The following PHKB variants were observed in gnomAD, a reference collection of about 807,000 sequenced individuals.
PHKB encodes phosphorylase b kinase regulatory subunit beta.
PHKB carries 122 observed loss-of-function variants against 152.1 expected under a neutral mutation model. That is an observed-to-expected ratio of 0.80 (90% CI 0.69 to 0.93). The LOEUF (loss-of-function observed/expected upper bound fraction) is 0.93, where lower values mean the gene tolerates loss of function less well. PHKB is among the 40% of genes least tolerant of loss of function. PHKB has a pLI of 0.00. For synonymous variants in PHKB, 436 were observed against 464.9 expected (o/e 0.94, Z 0.80); for missense variants, 1,304 against 1,328.4 (o/e 0.98, Z 0.29).
intron 4 of PHKB, among the ~76,000 whole-genome samples, chr16:47,510,892 AT>A (rs1261239164): frequency 6.6e-6 from 1 of 152,194 alleles, no homozygotes; most frequent in East Asian, 1.9e-4. Flanking sequence ...CTTTGAATTC[AT>A]TTTTTTGTTC....
chr16:47,680,318 T>C (rs2142091871), intron 26 of PHKB, among the ~76,000 whole-genome samples: 1 of 152,346 alleles, frequency 6.6e-6, no homozygotes, highest in East Asian at 1.9e-4. Flanking sequence ...CTTTTTCTAT[T>C]GATTGGAATA....
chr16:47,620,680 C>T (rs1242042961), intron 14 of PHKB, among the ~76,000 whole-genome samples: 2 of 152,100 alleles, frequency 1.3e-5, no homozygotes, highest in Non-Finnish European at 2.9e-5. Context: ...TCAAGACCAG[C>T]CTGGCCAACA....
At chr16:47,528,701 T>TC (rs1389538868) in intron 6 of PHKB, among the ~76,000 whole-genome samples, 489 of 150,848 alleles carry the variant, frequency 3.2e-3, no homozygotes, top group Non-Finnish European at 5.3e-3. Flanking sequence ...TTTTTCTTTT[T>TC]TTTTTTTTTT....
chr16:47,520,495 CAA>C (rs781003950), intron 6 of PHKB, among the ~76,000 whole-genome samples: 11 of 152,174 alleles, frequency 7.2e-5, no homozygotes, highest in Admixed American at 2.6e-4. Flanking sequence ...TAGTCTGACT[CAA>C]GAGTTCATTT....
chr16:47,582,958 G>A (rs1295752200), intron 8 of PHKB, among the ~76,000 whole-genome samples: 7 of 152,056 alleles, frequency 4.6e-5, no homozygotes, highest in African/African-American at 7.2e-5. Flanking sequence ...CACCACACCC[G>A]ACTAATTTTT....
chr16:47,681,717 T>G (rs948292491), intron 26 of PHKB, among the ~76,000 whole-genome samples: 2 of 152,194 alleles, frequency 1.3e-5, no homozygotes, highest in Non-Finnish European at 1.5e-5. Context: ...GTCTTGACCC[T>G]TTATCCAATT....
rs1477563728 is a variant in PHKB, at chr16:47,645,142, AT to A, written c.1609-3387del. On this transcript the variant is annotated intron_variant, in intron 16 of 30. Transcript: ENST00000323584. ...TTTGTCAGATGAGTAGGTTGCGAAAATTTTCTCCCATGTTGTAGGTTGCCTG... is the reference window on the plus strand; with the variant it reads ...TTTGTCAGATGAGTAGGTTGCGAAAATTTCTCCCATGTTGTAGGTTGCCTG... Among the ~76,000 whole-genome samples the A allele has an allele frequency of 2.0e-5, 3 of 151,532 alleles. 1 individual carries two copies. Among genetic ancestry groups the A allele is most frequent in the Admixed American group, 2.0e-4 (3 of 15,222 alleles).
chr16:47,556,796 G>C (rs1971378982), intron 7 of PHKB, among the ~76,000 whole-genome samples: 1 of 152,174 alleles, frequency 6.6e-6, no homozygotes, highest in Non-Finnish European at 1.5e-5. Flanking sequence ...AGTGAGTTAG[G>C]GAGGATTCCC....
intron 26 of PHKB, among the ~76,000 whole-genome samples, chr16:47,672,685 T>G (rs2142082861): frequency 6.6e-6 from 1 of 152,286 alleles, no homozygotes; most frequent in East Asian, 1.9e-4. Flanking sequence ...TTCAGCATTT[T>G]AAGCTAATTT....
At chr16:47,492,964 G>A (rs1597027883) in intron 1 of PHKB, among the ~76,000 whole-genome samples, 1 of 152,118 alleles carries the variant, frequency 6.6e-6, no homozygotes, top group Non-Finnish European at 1.5e-5. Context: ...AAATTTATCG[G>A]GCAAAAAGGA....
At chr16:47,636,242 C>T (rs1044192714) in intron 14 of PHKB, among the ~76,000 whole-genome samples, 1 of 152,186 alleles carries the variant, frequency 6.6e-6, no homozygotes. Flanking sequence ...AGGTCAAGAC[C>T]AGAAATATAA....
rs1972069983 is a variant in PHKB, at chr16:47,593,639, A to C, written c.1126+82A>C. 2.5e-5 allele frequency: 21 copies of C among 842,722 alleles called. 1 individual carries two copies. The South Asian group carries it at 2.9e-4, about 12-fold the overall frequency. 52.2% of individuals were successfully genotyped at this position (842,722 alleles called of 1,614,324 possible). A position where few individuals can be genotyped will look rare whatever the true frequency, so the allele number is the denominator to read the frequency against. On this transcript the variant is annotated intron_variant, in intron 11 of 30. Coordinates refer to ENST00000323584, the MANE Select transcript of PHKB (RefSeq NM_000293.3). ...GGATTTAAGTGGTTTAAAGAAGAGC[A>C]GAAATAAATTATGACTCTTTTCAGC...
At chr16:47,556,797 G>A (rs1971379038) in intron 7 of PHKB, among the ~76,000 whole-genome samples, 1 of 152,174 alleles carries the variant, frequency 6.6e-6, no homozygotes, top group Admixed American at 6.5e-5. Flanking sequence ...GTGAGTTAGG[G>A]AGGATTCCCT....
intron 7 of PHKB, among the ~76,000 whole-genome samples, chr16:47,577,335 A>G (rs942676946): frequency 6.6e-6 from 1 of 152,098 alleles, no homozygotes; most frequent in African/African-American, 2.4e-5. Context: ...TATTTCCTCC[A>G]TACACATTTA....
chr16:47,696,749 C>T (rs975328366), intron 29 of PHKB, among the ~76,000 whole-genome samples: 3 of 152,136 alleles, frequency 2.0e-5, no homozygotes, highest in Non-Finnish European at 2.9e-5. Context: ...GAGAACCGAC[C>T]CCTGCTTTTC....
chr16:47,578,051 G>A (rs141035679), intron 7 of PHKB, among the ~76,000 whole-genome samples: 2,426 of 152,154 alleles, frequency 0.016, 220 homozygotes, highest in Admixed American at 0.14. Flanking sequence ...GATAATTTCT[G>A]TTGTTCTGTC....
Position 47,692,133 on chromosome 16 carries a change from A to G in PHKB, c.2766-1245A>G, listed in dbSNP as rs558778574. 6.6e-5 allele frequency among the ~76,000 whole-genome samples: 10 copies of G among 152,310 alleles called. No homozygotes were observed. In the South Asian group the frequency reaches 2.1e-3, roughly 32 times the overall value. ...AGAAATTTTATGTATCCAAAAATAG[A>G]TGCCCCTCTTACCTATGTAGTGATA... On this transcript the variant is annotated intron_variant, in intron 27 of 30. Coordinates refer to ENST00000323584, the MANE Select transcript of PHKB (RefSeq NM_000293.3).
intron 7 of PHKB, among the ~76,000 whole-genome samples, chr16:47,552,640 C>T (rs890040906): frequency 6.6e-6 from 1 of 152,044 alleles, no homozygotes; most frequent in Non-Finnish European, 1.5e-5. Flanking sequence ...GATACCTTGT[C>T]TCTACTAAAA....
intron 6 of PHKB, among the ~76,000 whole-genome samples, chr16:47,541,220 C>T (rs1024827013): frequency 3.9e-5 from 6 of 152,088 alleles, no homozygotes; most frequent in Admixed American, 1.3e-4. Context: ...TTGTTCAATT[C>T]GCACCTATGA....
Sources: gnomAD v4.1 joint callset for allele counts (sites outside exome capture counted in the v4.1 genomes callset) on GRCh38, gnomAD v4.1.1 for gene constraint, MANE v1.5 for transcripts, NCBI Gene and HGNC (gene_info 2026-07-23, HGNC 2026-07-21) for gene names.